RHBDD1: variants seen among roughly 807,000 people sequenced by gnomAD.
The protein encoded by RHBDD1 is rhomboid domain containing 1, also known as rhomboid-related protein 4.
A neutral mutation model predicts 36.3 loss-of-function variants in RHBDD1; 38 were observed. That is an observed-to-expected ratio of 1.05 (90% CI 0.81 to 1.37). The LOEUF is 1.37. Ranked by LOEUF, RHBDD1 falls within the 40% of genes most tolerant of loss-of-function variation. The pLI, the probability that RHBDD1 is intolerant of heterozygous loss-of-function variation, is 0.00. For missense variants in RHBDD1, 393 were observed against 377.6 expected, an observed-to-expected ratio of 1.04 and a Z score of -0.34; for synonymous variants, 151 against 136.5, an observed-to-expected ratio of 1.11 and a Z score of -0.74.
intron 5 of RHBDD1, among the ~76,000 whole-genome samples, chr2:226,899,230 G>T (rs1370711640): frequency 1.3e-5 from 2 of 152,136 alleles, no homozygotes; most frequent in Non-Finnish European, 2.9e-5. Context: ...AAAGAACACT[G>T]TCTGTTGGTG....
intron 3 of RHBDD1, among the ~76,000 whole-genome samples, chr2:226,854,462 C>T (rs1231478661): frequency 1.3e-5 from 2 of 151,968 alleles, no homozygotes; most frequent in African/African-American, 2.4e-5. Flanking sequence ...GGTATGCTGG[C>T]GCGCGCCTGT....
At chr2:226,905,885 T>G (rs898290473) in intron 5 of RHBDD1, among the ~76,000 whole-genome samples, 2 of 152,098 alleles carry the variant, frequency 1.3e-5, no homozygotes, top group African/African-American at 4.8e-5. Flanking sequence ...CTAGTGGATG[T>G]GTGCATGTGT....
intron 8 of RHBDD1, among the ~76,000 whole-genome samples, chr2:226,936,437 G>A (rs1186272223): frequency 6.6e-6 from 1 of 151,984 alleles, no homozygotes; most frequent in African/African-American, 2.4e-5. Context: ...AGAGATACAT[G>A]GAATTTAAAT....
chr2:226,803,333 T>A, the RHBDD1 span, among the ~76,000 whole-genome samples: 14,388 of 147,514 alleles, frequency 0.098, 732 homozygotes, highest in Middle Eastern at 0.15. Flanking sequence ...TGTGTGTGTG[T>A]GAGAGAGAGA....
intron 5 of RHBDD1, among the ~76,000 whole-genome samples, chr2:226,904,099 C>T (rs1402893148): frequency 6.6e-6 from 1 of 152,142 alleles, no homozygotes; most frequent in Non-Finnish European, 1.5e-5. Flanking sequence ...TCCTGGATGC[C>T]AGAGAAGAAA....
At chr2:226,904,672 A>G (rs1382032774) in intron 5 of RHBDD1, among the ~76,000 whole-genome samples, 2 of 152,156 alleles carry the variant, frequency 1.3e-5, no homozygotes, top group African/African-American at 4.8e-5. Context: ...CTTTCTTTCA[A>G]GTGTTCCTCA....
At chr2:226,933,114 A>G (rs1950133085) in intron 8 of RHBDD1, among the ~76,000 whole-genome samples, 1 of 152,068 alleles carries the variant, frequency 6.6e-6, no homozygotes, top group Non-Finnish European at 1.5e-5. Flanking sequence ...GACCTCACTC[A>G]CTATCACGAG....
At chr2:226,915,530 AG>A (rs1357277535) in intron 8 of RHBDD1, among the ~76,000 whole-genome samples, 8 of 152,236 alleles carry the variant, frequency 5.3e-5, no homozygotes, top group Admixed American at 5.2e-4. Context: ...AGAATCTGGT[AG>A]TAGCAGTCAT....
At chr2:226,822,531 A>T in the RHBDD1 span, among the ~76,000 whole-genome samples, 3 of 150,836 alleles carry the variant, frequency 2.0e-5, no homozygotes, top group Non-Finnish European at 4.4e-5. Flanking sequence ...GCTATACAGG[A>T]GGCTGAGGCA....
intron 7 of RHBDD1, among the ~76,000 whole-genome samples, chr2:226,910,532 C>T (rs1004288889): frequency 6.6e-6 from 1 of 151,806 alleles, no homozygotes; most frequent in Non-Finnish European, 1.5e-5. Context: ...AAGCTGTTAC[C>T]AATTTTTCTA....
intron 5 of RHBDD1, among the ~76,000 whole-genome samples, chr2:226,886,206 T>G (rs941282887): frequency 6.6e-6 from 1 of 152,210 alleles, no homozygotes; most frequent in Non-Finnish European, 1.5e-5. Context: ...ATATTCTCTA[T>G]TAGTCTTGTT....
intron 8 of RHBDD1, among the ~76,000 whole-genome samples, chr2:226,979,571 G>T (rs542509425): frequency 1.3e-4 from 20 of 152,286 alleles, no homozygotes; most frequent in African/African-American, 4.8e-4. Flanking sequence ...AAGGCAGGAG[G>T]AGAGGAAGCA....
the RHBDD1 span, among the ~76,000 whole-genome samples, chr2:226,801,266 C>T: frequency 3.9e-4 from 59 of 152,284 alleles, no homozygotes; most frequent in Admixed American, 5.9e-4. Context: ...GCGAGTTTCC[C>T]GGGGAGGCCT....
At chr2:226,980,935 C>T (rs13029283) in intron 8 of RHBDD1, among the ~76,000 whole-genome samples, 2,094 of 152,228 alleles carry the variant, frequency 0.014, 23 homozygotes, top group Non-Finnish European at 0.023. Context: ...TTGAATATCT[C>T]TCCGTAGCAG....
chr2:226,804,545 C>T, the RHBDD1 span: 2 of 152,154 alleles, frequency 1.3e-5, no homozygotes, highest in Non-Finnish European at 2.9e-5. Context: ...CAATTACTGG[C>T]AATCAGCTAG....
At chr2:226,816,393 A>AAG in the RHBDD1 span, among the ~76,000 whole-genome samples, 2 of 150,028 alleles carry the variant, frequency 1.3e-5, no homozygotes, top group African/African-American at 5.0e-5. Context: ...AAAAAAAAAA[A>AAG]AAAGAAAAAA....
At chr2:226,923,250 AT>A (rs1949448607) in intron 8 of RHBDD1, among the ~76,000 whole-genome samples, 1 of 151,916 alleles carries the variant, frequency 6.6e-6, no homozygotes, top group South Asian at 2.1e-4. Context: ...GAAATTTTTT[AT>A]TTTGCCTTCA....
At position 226,948,359 on chromosome 2, in the gene RHBDD1, T is replaced by C. The variant is rs1338687924; in HGVS notation, c.856+34008T>C. 4.2e-5 allele frequency among the ~76,000 whole-genome samples: 6 copies of C among 143,432 alleles called. No individual in the cohort carries two copies. In the Admixed American group the frequency reaches 4.3e-4, roughly 10 times the overall value. The allele number at this position is 143,432 out of a possible 152,430, so 94.1% of individuals were successfully genotyped here. A position where few individuals can be genotyped will look rare whatever the true frequency, so the allele number is the denominator to read the frequency against. On this transcript the variant is annotated intron_variant, in intron 8 of 8. Transcript: ENST00000392062. ...GCATATTCTCACTCATAGGTGGGAA[T>C]TGAACAATGAGATCACATGGACACA...
chr2:226,823,590 G>A, the RHBDD1 span, among the ~76,000 whole-genome samples: 3 of 152,078 alleles, frequency 2.0e-5, no homozygotes, highest in African/African-American at 7.2e-5. Context: ...CTGCAGCAAA[G>A]GGGCATCTTA....
Sources: gnomAD v4.1 joint callset for allele counts (sites outside exome capture counted in the v4.1 genomes callset) on GRCh38, gnomAD v4.1.1 for gene constraint, MANE v1.5 for transcripts, NCBI Gene and HGNC (gene_info 2026-07-23, HGNC 2026-07-21) for gene names.